Variants in TMEM150A observed in about 807,000 individuals in gnomAD.
TMEM150A encodes the protein transmembrane protein 150A.
Under a neutral mutation model 29.8 loss-of-function variants are expected in TMEM150A, and 18 were observed. That is an observed-to-expected ratio of 0.60 (90% CI 0.42 to 0.90). TMEM150A has a LOEUF of 0.90. Among genes scored for constraint, TMEM150A ranks in the 40% least tolerant of loss-of-function variants. The pLI is 0.00. For missense variants in TMEM150A, 251 were observed against 349.7 expected (o/e 0.72, Z 2.25); for synonymous variants, 127 against 143.6 (o/e 0.88, Z 0.83).
chr2:85,598,829 T>G lies in TMEM150A; in HGVS notation c.*247A>C, dbSNP rs1573356641. 1 of 504,042 alleles carries G rather than the reference T, an allele frequency of 2.0e-6. No homozygotes were observed. Among genetic ancestry groups the G allele is most frequent in the South Asian group, 2.2e-5 (1 of 45,652 alleles). 31.2% of individuals were successfully genotyped at this position (504,042 alleles called of 1,614,324 possible). A position where few individuals can be genotyped will look rare whatever the true frequency, so the allele number is the denominator to read the frequency against. On this transcript the variant is annotated 3_prime_UTR_variant, in exon 8 of 8. Transcript: ENST00000334462. ...GCACCTGAAGGGCTGGCTGGGTGAG[T>G]GAGGACAGGTGACCTTTAAAAACAA... is the stretch of plus-strand genomic sequence containing the variant.
chr2:85,599,171 G>T lies in TMEM150A; in HGVS notation c.721C>A (p.Leu241Met). 6.2e-7 allele frequency: 1 copy of T among 1,613,732 alleles called. No homozygotes were observed. The highest frequency in any genetic ancestry group is 8.5e-7 in the Non-Finnish European group (1 of 1,180,006). ...CAGGCCCGGCCAGGGGTAGGCTGCA[G>T]TGCAGCCACCAGTGTGTCTGAGGAG... ...AVSSDTLVAALQPTPGRACKS... is the reference protein window; with the variant it reads ...AVSSDTLVAAMQPTPGRACKS... The change falls in exon 8 of 8, where the codon CTG becomes ATG. Residue 241 changes from leucine (L) to methionine (M), a missense_variant. Physicochemically the swap from Leu to Met is conservative, Grantham distance 15 (BLOSUM62 2). Transcript: ENST00000334462. This position sits in a 1 kb window ranked among gnomAD's most constrained non-coding sequence, Gnocchi z 6.0.
In TMEM150A at chr2:85,599,408, G is replaced by A; in HGVS notation, c.575-91C>T. The A allele has an allele frequency of 6.3e-7, 1 of 1,581,338 alleles. No homozygotes were observed. The highest frequency in any genetic ancestry group is 8.6e-7 in the Non-Finnish European group (1 of 1,162,406). On this transcript the variant is annotated intron_variant, in intron 7 of 7. Transcript: ENST00000334462. The surrounding 1 kb of genome is among the most constrained non-coding windows in gnomAD (Gnocchi z 6.0). ...CTCAGGCCTCACCTCTCCAAAGGGAGAGGTGTTAGTCCTCTCCCCCACATG... is the reference window on the plus strand; with the variant it reads ...CTCAGGCCTCACCTCTCCAAAGGGAAAGGTGTTAGTCCTCTCCCCCACATG...
Position 85,600,148 on chromosome 2 carries a change from G to A in TMEM150A, c.269-130C>T. The A allele has an allele frequency of 4.4e-6, 6 of 1,370,716 alleles. No individual in the cohort carries two copies. The South Asian group carries it at 6.9e-5, about 16-fold the overall frequency. The allele number at this position is 1,370,716 out of a possible 1,614,324, so 84.9% of individuals were successfully genotyped here. A position where few individuals can be genotyped will look rare whatever the true frequency, so the allele number is the denominator to read the frequency against. Reference sequence around the variant, plus strand: ...GCAGAAAGGAACAGACAGGCGGGTGGTGAACTAGGTTTCCTCAGGCTCCAG... The same window carrying A: ...GCAGAAAGGAACAGACAGGCGGGTGATGAACTAGGTTTCCTCAGGCTCCAG... On this transcript the variant is annotated intron_variant, in intron 5 of 7. Coordinates refer to ENST00000334462, the MANE Select transcript of TMEM150A (RefSeq NM_001031738.3).
intron 5 of TMEM150A, 105 bp downstream of exon 5, chr2:85,600,240 C>T (rs1044776870): frequency 9.9e-6 from 14 of 1,418,282 alleles, no homozygotes; most frequent in Non-Finnish European, 1.4e-5. Flanking sequence ...GCCTCTATTG[C>T]CTTAGCCCTT....
Position 85,601,964 on chromosome 2 carries a change from G to GGGT in TMEM150A, c.-19_-17dup, listed in dbSNP as rs749801046. On this transcript the variant is annotated 5_prime_UTR_variant, in exon 2 of 8. Coordinates refer to ENST00000334462, the MANE Select transcript of TMEM150A (RefSeq NM_001031738.3). The surrounding 1 kb of genome is among the most constrained non-coding windows in gnomAD (Gnocchi z 4.0). Reference sequence around the variant, plus strand: ...AGGCGGTCATGAGGGAGGGGAGCCAGGGTGGTGGTGGTGTTGGGGGGAGGA... The same window carrying GGGT: ...AGGCGGTCATGAGGGAGGGGAGCCAGGGTGGTGGTGGTGGTGTTGGGGGGAGGA... 1.6e-5 allele frequency: 26 copies of GGGT among 1,613,800 alleles called. No homozygotes were observed. The highest frequency in any genetic ancestry group is 2.2e-5 in the Non-Finnish European group (26 of 1,179,840).
Position 85,602,145 on chromosome 2 carries a change from G to C in TMEM150A, c.-116-81C>G, listed in dbSNP as rs1432341959. 1 of 549,164 alleles carries C rather than the reference G, an allele frequency of 1.8e-6. No homozygotes were observed. Among genetic ancestry groups the C allele is most frequent in the African/African-American group, 1.9e-5 (1 of 52,418 alleles). The allele number at this position is 549,164 out of a possible 1,614,324, so 34.0% of individuals were successfully genotyped here. A position where few individuals can be genotyped will look rare whatever the true frequency, so the allele number is the denominator to read the frequency against. ...GAAGGGGGTCAACACCTTATCCAGC[G>C]CTCCCGTTGGGTCTCTGAGCGTCCA... is the stretch of plus-strand genomic sequence containing the variant. On this transcript the variant is annotated intron_variant, in intron 1 of 7. Coordinates refer to ENST00000334462, the MANE Select transcript of TMEM150A (RefSeq NM_001031738.3). This position sits in a 1 kb window ranked among gnomAD's most constrained non-coding sequence, Gnocchi z 5.6.
Position 85,601,725 on chromosome 2 carries a change from T to A in TMEM150A, c.65+159A>T. 1 of 935,528 alleles carries A rather than the reference T, an allele frequency of 1.1e-6. No individual in the cohort carries two copies. The highest frequency in any genetic ancestry group is 1.7e-6 in the Non-Finnish European group (1 of 596,726). 58.0% of individuals were successfully genotyped at this position (935,528 alleles called of 1,614,324 possible). A position where few individuals can be genotyped will look rare whatever the true frequency, so the allele number is the denominator to read the frequency against. Reference sequence around the variant, plus strand: ...TCAGGGCCACCCTGCTGGACAGCAGTGGTGCCAGCTTGTCCCAAGGGGCTG... The same window carrying A: ...TCAGGGCCACCCTGCTGGACAGCAGAGGTGCCAGCTTGTCCCAAGGGGCTG... On this transcript the variant is annotated intron_variant, in intron 2 of 7. Transcript: ENST00000334462. The surrounding 1 kb of genome is among the most constrained non-coding windows in gnomAD (Gnocchi z 4.0).
At position 85,601,367 on chromosome 2, in the gene TMEM150A, C is replaced by T. The variant is rs752128774; in HGVS notation, c.113+68G>A. ...GGGTTGCAGTCTGGCTCGTGGCAGCCTCAGGCCCAAGAGGGGACAGAGATG... is the reference window on the plus strand; with the variant it reads ...GGGTTGCAGTCTGGCTCGTGGCAGCTTCAGGCCCAAGAGGGGACAGAGATG... On this transcript the variant is annotated intron_variant, in intron 3 of 7. Transcript: ENST00000334462. The surrounding 1 kb of genome is among the most constrained non-coding windows in gnomAD (Gnocchi z 4.0). 2 of 1,594,840 alleles carry T rather than the reference C, an allele frequency of 1.3e-6. No individual in the cohort carries two copies. The highest frequency in any genetic ancestry group is 2.2e-5 in the South Asian group (2 of 90,650).
In TMEM150A at chr2:85,599,399, C is replaced by T. The variant is rs900389957; in HGVS notation, c.575-82G>A. ...TTCTGCAGTCTCAGGCCTCACCTCT[C>T]CAAAGGGAGAGGTGTTAGTCCTCTC... On this transcript the variant is annotated intron_variant, in intron 7 of 7. Coordinates refer to ENST00000334462, the MANE Select transcript of TMEM150A (RefSeq NM_001031738.3). The surrounding 1 kb of genome is among the most constrained non-coding windows in gnomAD (Gnocchi z 6.0). 1.2e-5 allele frequency: 19 copies of T among 1,586,314 alleles called. No individual in the cohort carries two copies. The highest frequency in any genetic ancestry group is 1.6e-5 in the Non-Finnish European group (19 of 1,164,842).
At position 85,601,691 on chromosome 2, in the gene TMEM150A, G is replaced by A. The variant is rs1672971325; in HGVS notation, c.65+193C>T. On this transcript the variant is annotated intron_variant, in intron 2 of 7. Coordinates refer to ENST00000334462, the MANE Select transcript of TMEM150A (RefSeq NM_001031738.3). This position sits in a 1 kb window ranked among gnomAD's most constrained non-coding sequence, Gnocchi z 4.0. ...CCTCTGGAAATTGCCCTGGCTAGAAGTATATTTGTCAGGGCCACCCTGCTG... is the reference window on the plus strand; with the variant it reads ...CCTCTGGAAATTGCCCTGGCTAGAAATATATTTGTCAGGGCCACCCTGCTG... The A allele has an allele frequency of 2.3e-6, 2 of 866,072 alleles. No individual in the cohort carries two copies. Among genetic ancestry groups the A allele is most frequent in the African/African-American group, 1.7e-5 (1 of 59,256 alleles). The allele number at this position is 866,072 out of a possible 1,614,324, so 53.6% of individuals were successfully genotyped here. A position where few individuals can be genotyped will look rare whatever the true frequency, so the allele number is the denominator to read the frequency against.
rs777706887 is a variant in TMEM150A at position 85,599,361 on chromosome 2, C to G, written c.575-44G>C. 6.2e-7 allele frequency: 1 copy of G among 1,607,538 alleles called. No individual in the cohort carries two copies. The highest frequency in any genetic ancestry group is 8.5e-7 in the Non-Finnish European group (1 of 1,175,354). On this transcript the variant is annotated intron_variant, in intron 7 of 7. Transcript: ENST00000334462. The surrounding 1 kb of genome is among the most constrained non-coding windows in gnomAD (Gnocchi z 6.0). ...AATGTTCAGTAGGACATACGGAAAC[C>G]TGGCAACACCCCTTCTGCAGTCTCA...
rs751794212 is a variant in TMEM150A at position 85,599,912 on chromosome 2, G to C, written c.375C>G (p.Leu125=). The C allele has an allele frequency of 3.7e-6, 6 of 1,613,376 alleles. No individual in the cohort carries two copies. In the South Asian group the frequency reaches 6.6e-5, roughly 18 times the overall value. Residue 125 remains leucine (L), a synonymous_variant, in exon 6 of 8, where the codon CTC becomes CTG. Coordinates refer to ENST00000334462, the MANE Select transcript of TMEM150A (RefSeq NM_001031738.3). This position sits in a 1 kb window ranked among gnomAD's most constrained non-coding sequence, Gnocchi z 6.0. ...GCACCTGAAAGTTGCCAACCACCAA[G>C]AGGCCCGCAGCGTTGGTGCAGCCTG... The part of the protein sequence containing the change: ...LITGCTNAAG[L]LVVGNFQVDH...
Position 85,601,796 on chromosome 2 carries a change from C to T in TMEM150A, c.65+88G>A. 1 of 1,488,644 alleles carries T rather than the reference C, an allele frequency of 6.7e-7. No individual in the cohort carries two copies. Among genetic ancestry groups the T allele is most frequent in the Non-Finnish European group, 9.3e-7 (1 of 1,076,438 alleles). The allele number at this position is 1,488,644 out of a possible 1,614,324, so 92.2% of individuals were successfully genotyped here. A position where few individuals can be genotyped will look rare whatever the true frequency, so the allele number is the denominator to read the frequency against. On this transcript the variant is annotated intron_variant, in intron 2 of 7. Transcript: ENST00000334462. The surrounding 1 kb of genome is among the most constrained non-coding windows in gnomAD (Gnocchi z 4.0). ...GGCTTTTGAGACACCCAGAGTGACC[C>T]TGGGTACCACCGTGGCTATGACAGG... is the stretch of plus-strand genomic sequence containing the variant.
chr2:85,599,098 G>C lies in TMEM150A; in HGVS notation c.794C>G (p.Pro265Arg). 1 of 1,613,758 alleles carries C rather than the reference G, an allele frequency of 6.2e-7. No individual in the cohort carries two copies. Among genetic ancestry groups the C allele is most frequent in the Non-Finnish European group, 8.5e-7 (1 of 1,180,018 alleles). ...SSTSTHLNCAPESIAMI is the reference protein window; with the variant it reads ...SSTSTHLNCARESIAMI Reference sequence around the variant, plus strand: ...ACCTTAGATCATAGCGATGCTCTCGGGGGCACAGTTGAGGTGGGTGGAGGT... The same window carrying C: ...ACCTTAGATCATAGCGATGCTCTCGCGGGCACAGTTGAGGTGGGTGGAGGT... The change falls in exon 8 of 8, where the codon CCC (proline) becomes CGC (arginine). Residue 265 changes from proline to arginine, a missense_variant. Coordinates refer to ENST00000334462, the MANE Select transcript of TMEM150A (RefSeq NM_001031738.3). The surrounding 1 kb of genome is among the most constrained non-coding windows in gnomAD (Gnocchi z 6.0).
rs974357560 is a variant in TMEM150A, at chr2:85,599,636, C to G, written c.463G>C (p.Val155Leu). 2 of 1,613,856 alleles carry G rather than the reference C, an allele frequency of 1.2e-6. No homozygotes were observed. The highest frequency in any genetic ancestry group is 1.7e-5 in the Admixed American group (1 of 60,026). The change falls in exon 7 of 8, where the codon GTT becomes CTT. Residue 155 changes from valine to leucine, a missense_variant. Transcript: ENST00000334462. The surrounding 1 kb of genome is among the most constrained non-coding windows in gnomAD (Gnocchi z 6.0). Reference sequence around the variant, plus strand: ...TAGGAGAGAGCACAGTGCAGGCAAACAAAGAGCAGCCCCGCAGGGAAGGCC... The same window carrying G: ...TAGGAGAGAGCACAGTGCAGGCAAAGAAAGAGCAGCCCCGCAGGGAAGGCC... ...GVAFPAGLLF[V>L]CLHCALSYQG...
In TMEM150A at chr2:85,601,485, G is replaced by A; in HGVS notation, c.66-3C>T. On this transcript the variant is annotated splice_region_variant and splice_polypyrimidine_tract_variant and intron_variant, in intron 2 of 7. Transcript: ENST00000334462. This position sits in a 1 kb window ranked among gnomAD's most constrained non-coding sequence, Gnocchi z 4.0. ...GGTTCATCACAGCCATGGCATACCT[G>A]TGGGAACAGAACTGTCACCCTGGCA... is the stretch of plus-strand genomic sequence containing the variant. 2 of 1,612,316 alleles carry A rather than the reference G, an allele frequency of 1.2e-6. No homozygotes were observed. The highest frequency in any genetic ancestry group is 1.9e-4 in the Middle Eastern group (1 of 5,154).
chr2:85,601,828 G>T lies in TMEM150A; in HGVS notation c.65+56C>A. On this transcript the variant is annotated intron_variant, in intron 2 of 7. Transcript: ENST00000334462. The surrounding 1 kb of genome is among the most constrained non-coding windows in gnomAD (Gnocchi z 4.0). ...CCACCGTGGCTATGACAGGACAAGAGACTTTGTGTGCGTCATCAAGCTCCT... is the reference window on the plus strand; with the variant it reads ...CCACCGTGGCTATGACAGGACAAGATACTTTGTGTGCGTCATCAAGCTCCT... The T allele has an allele frequency of 1.9e-6, 3 of 1,594,952 alleles. No homozygotes were observed. The highest frequency in any genetic ancestry group is 1.1e-5 in the South Asian group (1 of 90,378).
intron 4 of TMEM150A, 28 bp downstream of exon 4, chr2:85,600,993 C>T (rs1322308537): frequency 1.9e-6 from 3 of 1,607,646 alleles, no homozygotes; most frequent in Middle Eastern, 3.4e-4. Flanking sequence ...CTTAGATCTC[C>T]CTGACCGGCC....
chr2:85,601,910 C>T lies in TMEM150A; in HGVS notation c.39G>A (p.Ala13=), dbSNP rs749522315. The T allele has an allele frequency of 9.9e-6, 16 of 1,613,980 alleles. No individual in the cohort carries two copies. The highest frequency in any genetic ancestry group is 2.2e-5 in the East Asian group (1 of 44,886). ...AWILLPVSLS[A]FSITGIWTVY... is the part of the protein sequence containing the mutation. ...CAGTCCATATGCCAGTGATGGAGAA[C>T]GCTGACAGGCTGACAGGCAGGAGGA... Residue 13 remains alanine, a synonymous_variant, in exon 2 of 8, where the codon GCG becomes GCA. Transcript: ENST00000334462. The surrounding 1 kb of genome is among the most constrained non-coding windows in gnomAD (Gnocchi z 4.0).
Sources: gnomAD v4.1 joint callset for allele counts on GRCh38, gnomAD v4.1.1 for gene constraint, Gnocchi (gnomAD v3.1) non-coding constraint, MANE v1.5 for transcripts, NCBI Gene and HGNC (gene_info 2026-07-23, HGNC 2026-07-21) for gene names.